The following TTN variants were observed in gnomAD, a reference collection of about 807,000 sequenced individuals.
TTN encodes the protein connectin.
Under a neutral mutation model 3,223.0 loss-of-function variants are expected in TTN, and 1,525 were observed. The observed-to-expected ratio is 0.47, with a 90% CI of 0.45 to 0.49. The LOEUF (loss-of-function observed/expected upper bound fraction) is 0.49. Among genes scored for constraint, TTN ranks in the 20% least tolerant of loss-of-function variants. The pLI is 0.00. For missense variants in TTN, 40,786 were observed against 43,424.0 expected (o/e 0.94, Z 5.40); for synonymous variants, 14,094 against 15,161.0 (o/e 0.93, Z 5.17).
At chr2:178,543,744 C>T in intron 346 of TTN, 82 bp from the exon 347 acceptor site, 1 of 1,533,568 alleles carries the variant, frequency 6.5e-7, no homozygotes, top group Non-Finnish European at 8.8e-7. Flanking sequence ...CAACATAGTT[C>T]CTTTCTAGAG....
chr2:178,750,833 G>A, intron 47 of TTN: 1 of 1,612,864 alleles, frequency 6.2e-7, no homozygotes, highest in Non-Finnish European at 8.5e-7. Flanking sequence ...ACATACATTA[G>A]TGATATATGT....
At position 178,621,325 on chromosome 2, in the gene TTN, T is replaced by A. The variant is rs1249901450; in HGVS notation, c.45393A>T (p.Ile15131=). 1 of 1,611,808 alleles carries A rather than the reference T, an allele frequency of 6.2e-7. No homozygotes were observed. The highest frequency in any genetic ancestry group is 1.3e-5 in the African/African-American group (1 of 74,794). The change falls in exon 246 of 363, where the codon ATA becomes ATT. Residue 15131 remains isoleucine, a synonymous_variant. Coordinates refer to ENST00000589042, the MANE Select transcript of TTN (RefSeq NM_001267550.2). The part of the protein sequence containing the change: ...EFISKPQNLE[I]LEGEKAEFVC... ...CAAATTCAGCCTTTTCTCCTTCAAG[T>A]ATTTCAAGGTTTTGAGGCTTTGAGA... is the stretch of plus-strand genomic sequence containing the variant.
chr2:178,701,664 A>ATTAGATCCTGAGATATGTCAGG (rs1397721286), intron 109 of TTN, 77 bp from the exon 110 acceptor site: 3 of 1,404,040 alleles, frequency 2.1e-6, no homozygotes, highest in Non-Finnish European at 3.0e-6. Context: ...TGTTTGATTT[A>ATTAGATCCTGAGATATGTCAGG]TTAGATCCTG....
At chr2:178,606,645 C>A (rs2054914757) in intron 278 of TTN, among the ~76,000 whole-genome samples, 1 of 151,852 alleles carries the variant, frequency 6.6e-6, no homozygotes, top group Non-Finnish European at 1.5e-5. Flanking sequence ...CAGGAATTGT[C>A]TAATCTTTTA....
Position 178,602,366 on chromosome 2 carries a change from T to A in TTN, c.55036A>T (p.Arg18346Ter), listed in dbSNP as rs2053680009. The A allele has an allele frequency of 6.2e-7, 1 of 1,612,924 alleles. No individual in the cohort carries two copies. The highest frequency in any genetic ancestry group is 2.2e-5 in the East Asian group (1 of 44,686). Residue 18346 changes from arginine to a stop codon, truncating the protein, a stop_gained, in exon 283 of 363, where the codon AGA (arginine) becomes TGA (stop). Transcript: ENST00000589042. LOFTEE classifies it high-confidence loss of function. ...TCATTGACAGCTTTCACTCTGAATC[T>A]GTACTTCCTGAGCTCTTTCAGATTA... Reference protein sequence around the residue: ...VPNLKELRKYRFRVKAVNEAG... With the variant: ...VPNLKELRKY
chr2:178,721,336 T>C, intron 78 of TTN, 134 bp from the exon 79 acceptor site: 1 of 765,216 alleles, frequency 1.3e-6, no homozygotes, highest in Non-Finnish European at 1.8e-6. Context: ...CTGAGGATTT[T>C]ACAGTAAAAT....
At position 178,729,432 on chromosome 2, in the gene TTN, T is replaced by C; in HGVS notation, c.18724A>G (p.Ser6242Gly). 2 of 1,613,668 alleles carry C rather than the reference T, an allele frequency of 1.2e-6. No individual in the cohort carries two copies. Among genetic ancestry groups the C allele is most frequent in the Non-Finnish European group, 1.7e-6 (2 of 1,179,662 alleles). Reference sequence around the variant, plus strand: ...CTGTCGGTCAATGTGTATTTTTTGCTGCTTCGAATTTCCCTGTTATTCTTC... The same window carrying C: ...CTGTCGGTCAATGTGTATTTTTTGCCGCTTCGAATTTCCCTGTTATTCTTC... Reference protein sequence around the residue: ...WLKNNREIRSSKKYTLTDRVS... With the variant: ...WLKNNREIRSGKKYTLTDRVS... Residue 6242 changes from serine (S) to glycine (G), a missense_variant, in exon 64 of 363, where the codon AGC (serine) becomes GGC (glycine). Coordinates refer to ENST00000589042, the MANE Select transcript of TTN (RefSeq NM_001267550.2).
At chr2:178,750,899 T>C in intron 47 of TTN, 1 of 1,612,914 alleles carries the variant, frequency 6.2e-7, no homozygotes, top group Non-Finnish European at 8.5e-7. Context: ...TCCTCTTGCT[T>C]GGGTATTTTC....
chr2:178,688,751 T>C lies in TTN; in HGVS notation c.32123A>G (p.Glu10708Gly), dbSNP rs764780077. Residue 10708 changes from glutamate (E) to glycine (G), a missense_variant, in exon 126 of 363, where the codon GAA becomes GGA. Glu to Gly is a moderately conservative substitution (Grantham distance 98). Transcript: ENST00000589042. ...TTCTTCAGCAACAAATCTCTTTTCT[T>C]CTACAACAGTTTTCTTAGAGACTTC... Reference protein sequence around the residue: ...RAEVSKKTVVEEKRFVAEEKL... With the variant: ...RAEVSKKTVVGEKRFVAEEKL... The C allele has an allele frequency of 1.2e-5, 19 of 1,613,292 alleles. No individual in the cohort carries two copies. The South Asian group carries it at 2.1e-4, about 18-fold the overall frequency.
chr2:178,775,179 G>A lies in TTN; in HGVS notation c.6532C>T (p.Gln2178Ter), dbSNP rs1193046655. 6.2e-7 allele frequency: 1 copy of A among 1,613,916 alleles called. No individual in the cohort carries two copies. Among genetic ancestry groups the A allele is most frequent in the Non-Finnish European group, 8.5e-7 (1 of 1,179,956 alleles). The change falls in exon 29 of 363, where the codon CAG becomes TAG. Residue 2178 changes from glutamine (Q) to a stop codon, truncating the protein, a stop_gained. Transcript: ENST00000589042. LOFTEE classifies it high-confidence loss of function. ...TTAGCAACAACATCTTGTAATTCCT[G>A]TGTGAAAGTGATCAATTGCTTGGCT... ...VQAKQLITFT[Q>*]ELQDVVAKEK...
Position 178,715,038 on chromosome 2 carries a change from T to C in TTN, c.26148A>G (p.Lys8716=), listed in dbSNP as rs778772942. The change falls in exon 90 of 363, where the codon AAA becomes AAG. Residue 8716 remains lysine (K), a synonymous_variant. Transcript: ENST00000589042. The part of the protein sequence containing the change: ...DAADIGEYQC[K]ATNDVGSDTC... ...TGTCGCTTCCCACATCATTTGTGGC[T>C]TTACACTGATATTCCCCAATGTCTG... is the stretch of plus-strand genomic sequence containing the variant. 2.7e-5 allele frequency: 44 copies of C among 1,613,474 alleles called. No individual in the cohort carries two copies. The highest frequency in any genetic ancestry group is 3.5e-5 in the Non-Finnish European group (41 of 1,179,646).
In TTN at chr2:178,709,467, T is replaced by C. The variant is rs558347044; in HGVS notation, c.28753+99A>G. The C allele has an allele frequency of 3.5e-5, 44 of 1,252,200 alleles. No homozygotes were observed. In the South Asian group the frequency reaches 6.8e-4, roughly 19 times the overall value. 77.6% of individuals were successfully genotyped at this position (1,252,200 alleles called of 1,614,324 possible). ...GTTAAATAATGTGTATTTATATTTGTTATAACTTACTTGGTCAAGATATCA... is the reference window on the plus strand; with the variant it reads ...GTTAAATAATGTGTATTTATATTTGCTATAACTTACTTGGTCAAGATATCA... On this transcript the variant is annotated intron_variant, in intron 99 of 362. Coordinates refer to ENST00000589042, the MANE Select transcript of TTN (RefSeq NM_001267550.2).
At chr2:178,622,587 CTTTT>C in intron 243 of TTN, 79 bp downstream of exon 243, 1 of 1,074,608 alleles carries the variant, frequency 9.3e-7, no homozygotes, top group African/African-American at 1.6e-5. Flanking sequence ...TTGTGACTAA[CTTTT>C]TTTTTTCCAT....
intron 113 of TTN, 86 bp downstream of exon 113, chr2:178,697,035 G>T: frequency 1.7e-6 from 2 of 1,206,208 alleles, no homozygotes; most frequent in Non-Finnish European, 2.4e-6. Flanking sequence ...TCAATAAGTT[G>T]GAAGCCTAAT....
At position 178,775,481 on chromosome 2, in the gene TTN, C is replaced by G. The variant is rs751340835; in HGVS notation, c.6383G>C (p.Trp2128Ser). Reference sequence around the variant, plus strand: ...CAATTCACAAACATTGTCTTCGGGCCAGTACCAGTAGATCCGGTCAGACCG... The same window carrying G: ...CAATTCACAAACATTGTCTTCGGGCGAGTACCAGTAGATCCGGTCAGACCG... ...IERSDRIYWY[W>S]PEDNVCELVI... The change falls in exon 28 of 363, where the codon TGG (tryptophan) becomes TCG (serine). Residue 2128 changes from tryptophan (W) to serine (S), a missense_variant. Physicochemically the swap from Trp to Ser is radical, Grantham distance 177 (BLOSUM62 -3). Transcript: ENST00000589042. 1.9e-6 allele frequency: 3 copies of G among 1,614,026 alleles called. No homozygotes were observed. The highest frequency in any genetic ancestry group is 3.3e-4 in the Middle Eastern group (2 of 6,062).
intron 294 of TTN, 60 bp downstream of exon 294, chr2:178,597,478 G>C: frequency 6.5e-7 from 1 of 1,530,558 alleles, no homozygotes; most frequent in Non-Finnish European, 8.8e-7. Flanking sequence ...GCATAGCTTT[G>C]TGTAAATATA....
chr2:178,727,425 T>C, intron 68 of TTN, 54 bp from the exon 69 acceptor site: 1 of 1,516,636 alleles, frequency 6.6e-7, no homozygotes, highest in African/African-American at 1.4e-5. Context: ...ATAACAATAG[T>C]TAAATTAGAT....
rs760531418 is a variant in TTN, at chr2:178,579,661, A to T, written c.67536T>A (p.Asp22512Glu). 5.6e-6 allele frequency: 9 copies of T among 1,613,242 alleles called. No individual in the cohort carries two copies. The highest frequency in any genetic ancestry group is 7.6e-6 in the Non-Finnish European group (9 of 1,179,498). ...KSLSLQYSAK[D>E]LTEGKEYTFR... ...AGGTATATTCCTTCCCTTCAGTCAA[A>T]TCTTTTGCAGAGTACTGTAGGCTTA... is the stretch of plus-strand genomic sequence containing the variant. Residue 22512 changes from aspartate to glutamate, a missense_variant, in exon 319 of 363, where the codon GAT becomes GAA. Asp to Glu is a conservative substitution (Grantham distance 45, BLOSUM62 2). Transcript: ENST00000589042.
Position 178,778,785 on chromosome 2 carries a change from T to A in TTN, c.4208+89A>T, listed in dbSNP as rs559800532. 4.4e-6 allele frequency: 7 copies of A among 1,580,450 alleles called. No individual in the cohort carries two copies. In the African/African-American group the frequency reaches 8.1e-5, roughly 18 times the overall value. On this transcript the variant is annotated intron_variant, in intron 24 of 362. Coordinates refer to ENST00000589042, the MANE Select transcript of TTN (RefSeq NM_001267550.2). ...GTTTCTGTGCCATTTTAGCCCTCGATTTTCTTCTTACACAATAGCAATTTG... is the reference window on the plus strand; with the variant it reads ...GTTTCTGTGCCATTTTAGCCCTCGAATTTCTTCTTACACAATAGCAATTTG...
Sources: allele counts gnomAD v4.1 joint callset (sites outside exome capture counted in the v4.1 genomes callset), GRCh38; gene constraint gnomAD v4.1.1; transcripts MANE v1.5; gene names NCBI Gene and HGNC (gene_info 2026-07-23, HGNC 2026-07-21).